Variants in ARMH3 observed in about 807,000 individuals in gnomAD.
The protein encoded by ARMH3 is armadillo-like helical domain-containing protein 3.
A neutral mutation model predicts 99.1 loss-of-function variants in ARMH3; 60 were observed. That is an observed-to-expected ratio of 0.61 (90% CI 0.49 to 0.75). ARMH3 has a LOEUF of 0.75. ARMH3 is among the 30% of genes least tolerant of loss of function. The probability of loss-of-function intolerance (pLI) is 0.00; values close to 1 mark genes in which losing one functional copy is unlikely to be tolerated. For synonymous variants in ARMH3, 285 were observed against 292.8 expected (o/e 0.97, Z 0.27); for missense variants, 679 against 843.1 (o/e 0.81, Z 2.41).
chr10:101,849,061 G>T (rs958798956), intron 25 of ARMH3, among the ~76,000 whole-genome samples: 8 of 152,198 alleles, frequency 5.3e-5, no homozygotes, highest in African/African-American at 1.7e-4. Context: ...CTGAGCTGAC[G>T]CAAGTTCAGC....
rs2066579625 is a variant in ARMH3, at chr10:101,850,690, G to T, written c.1861-798C>A. On this transcript the variant is annotated intron_variant, in intron 24 of 25. Coordinates refer to ENST00000370033, the MANE Select transcript of ARMH3 (RefSeq NM_024541.3). ...TCCACCAGACTTGACCTCCAAAAGT[G>T]CTGGGATTACAGGCGTGAGCCACTG... Among the ~76,000 whole-genome samples, 4 of 152,130 alleles carry T rather than the reference G, an allele frequency of 2.6e-5. No homozygotes were observed. In the East Asian group the frequency reaches 7.7e-4, roughly 29 times the overall value.
At chr10:101,877,289 G>A (rs1231833123) in intron 24 of ARMH3, among the ~76,000 whole-genome samples, 1 of 152,014 alleles carries the variant, frequency 6.6e-6, no homozygotes, top group Non-Finnish European at 1.5e-5. Context: ...CTGGAGCCCA[G>A]GAGATTAAGG....
intron 1 of ARMH3, among the ~76,000 whole-genome samples, chr10:102,045,129 CAAA>C (rs574856341): frequency 7.4e-5 from 6 of 80,744 alleles, no homozygotes; most frequent in Admixed American, 1.5e-4. Context: ...GCCCTTGTCT[CAAA>C]AAAAAAAAAA....
chr10:101,968,943 T>C (rs372350900), intron 20 of ARMH3, among the ~76,000 whole-genome samples: 12 of 152,288 alleles, frequency 7.9e-5, no homozygotes, highest in East Asian at 1.9e-4. Context: ...TGATCACCCA[T>C]AGAGGAAAAG....
At chr10:102,044,527 C>T (rs2067499460) in intron 1 of ARMH3, among the ~76,000 whole-genome samples, 1 of 152,062 alleles carries the variant, frequency 6.6e-6, no homozygotes, top group Non-Finnish European at 1.5e-5. Context: ...CGCGCCACCA[C>T]ACCCAGCTAA....
At position 101,931,254 on chromosome 10, in the gene ARMH3, C is replaced by A. The variant is rs140954505; in HGVS notation, c.1781+8609G>T. ...TCAGAAAAGCAGTGGGGGCCGGGTG[C>A]GATGGCTCACGCCTGTAATCCCAAC... On this transcript the variant is annotated intron_variant, in intron 23 of 25. Transcript: ENST00000370033. Among the ~76,000 whole-genome samples the A allele has an allele frequency of 2.5e-3, 377 of 152,232 alleles. 2 individuals are homozygous for A. Among genetic ancestry groups the A allele is most frequent in the African/African-American group, 8.8e-3 (364 of 41,532 alleles).
chr10:102,038,881 A>C (rs1590222685), intron 2 of ARMH3, among the ~76,000 whole-genome samples: 2 of 151,946 alleles, frequency 1.3e-5, no homozygotes, highest in South Asian at 4.1e-4. Flanking sequence ...CTGGGACTAC[A>C]TGCACACGCC....
intron 15 of ARMH3, among the ~76,000 whole-genome samples, chr10:102,000,881 A>C (rs577029308): frequency 6.6e-6 from 1 of 151,804 alleles, no homozygotes; most frequent in Non-Finnish European, 1.5e-5. Context: ...CAGTGGCGCG[A>C]TCTCAACTCT....
At chr10:101,994,416 A>AC (rs1397541732) in intron 16 of ARMH3, among the ~76,000 whole-genome samples, 3 of 152,124 alleles carry the variant, frequency 2.0e-5, no homozygotes, top group Non-Finnish European at 4.4e-5. Context: ...AGAGATCTCT[A>AC]CTTCATGTGG....
intron 14 of ARMH3, among the ~76,000 whole-genome samples, chr10:102,002,868 G>A (rs1373385716): frequency 1.3e-5 from 2 of 151,900 alleles, no homozygotes; most frequent in South Asian, 4.2e-4. Context: ...AGCTGAGGCA[G>A]GAGAATTGCT....
intron 20 of ARMH3, among the ~76,000 whole-genome samples, chr10:101,965,207 A>C (rs915808389): frequency 6.6e-6 from 1 of 152,198 alleles, no homozygotes; most frequent in Admixed American, 6.5e-5. Context: ...GAAAAACAAA[A>C]GGTCAATGTT....
chr10:101,864,139 G>A (rs1470724050), intron 24 of ARMH3, among the ~76,000 whole-genome samples: 1 of 145,406 alleles, frequency 6.9e-6, no homozygotes, highest in East Asian at 2.0e-4. Context: ...GAAGACACAT[G>A]AAAAAATGCT....
chr10:101,986,952 A>G (rs948393786), intron 19 of ARMH3, among the ~76,000 whole-genome samples: 1 of 152,140 alleles, frequency 6.6e-6, no homozygotes, highest in African/African-American at 2.4e-5. Context: ...AGGTGGAAAA[A>G]GCGCCTAAGA....
At chr10:102,034,801 G>C (rs893633495) in intron 2 of ARMH3, among the ~76,000 whole-genome samples, 3 of 151,912 alleles carry the variant, frequency 2.0e-5, no homozygotes, top group Non-Finnish European at 1.5e-5. Flanking sequence ...CCAGCTACTC[G>C]GGAGGCTGAG....
intron 24 of ARMH3, among the ~76,000 whole-genome samples, chr10:101,887,167 G>GCA (rs2067568523): frequency 6.6e-6 from 1 of 152,148 alleles, no homozygotes; most frequent in East Asian, 1.9e-4. Context: ...CTGTCATTTA[G>GCA]CACCCTTCAA....
chr10:101,872,250 C>CGTGTGTGTGTGT (rs35739666), intron 24 of ARMH3, among the ~76,000 whole-genome samples: 11 of 146,466 alleles, frequency 7.5e-5, no homozygotes, highest in East Asian at 2.0e-4. Flanking sequence ...TGTGTAACAA[C>CGTGTGTGTGTGT]GTGTGTGTGT....
chr10:101,974,254 G>A (rs1485772805), intron 20 of ARMH3, among the ~76,000 whole-genome samples: 2 of 152,174 alleles, frequency 1.3e-5, no homozygotes, highest in African/African-American at 4.8e-5. Flanking sequence ...AAGCCAAACT[G>A]GGTTGGGAGG....
At chr10:101,922,513 A>C (rs2135606012) in intron 23 of ARMH3, among the ~76,000 whole-genome samples, 1 of 152,262 alleles carries the variant, frequency 6.6e-6, no homozygotes, top group Admixed American at 6.5e-5. Context: ...TGGCCTCCCA[A>C]AGTGCTGGGA....
intron 23 of ARMH3, among the ~76,000 whole-genome samples, chr10:101,890,257 T>C (rs1344334210): frequency 6.6e-6 from 1 of 151,092 alleles, no homozygotes; most frequent in African/African-American, 2.4e-5. Context: ...TTTATATTTA[T>C]ATTTTAGACA....
Sources: allele counts gnomAD v4.1 joint callset (sites outside exome capture counted in the v4.1 genomes callset), GRCh38; gene constraint gnomAD v4.1.1; transcripts MANE v1.5; gene names NCBI Gene and HGNC (gene_info 2026-07-23, HGNC 2026-07-21).